CNTLN: variants seen among roughly 807,000 people sequenced by gnomAD.
The protein encoded by CNTLN is centlein.
A neutral mutation model predicts 180.0 loss-of-function variants in CNTLN; 212 were observed. The ratio of observed to expected loss-of-function variants is 1.18; its 90% CI spans 1.05 to 1.32. The LOEUF is 1.32. Ranked by LOEUF, CNTLN falls within the 40% of genes most tolerant of loss-of-function variation. The pLI is 0.00. For missense variants in CNTLN, 2,095 were observed against 1,610.9 expected (o/e 1.30, Z -5.14); for synonymous variants, 722 against 563.1 (o/e 1.28, Z -3.99).
intron 5 of CNTLN, among the ~76,000 whole-genome samples, chr9:17,263,583 G>T (rs1375848360): frequency 2.0e-5 from 3 of 150,678 alleles, no homozygotes; most frequent in Admixed American, 1.3e-4. Context: ...GGGTCAAATG[G>T]TATTTCTAGT....
intron 12 of CNTLN, among the ~76,000 whole-genome samples, chr9:17,351,427 A>G (rs1019012330): frequency 3.9e-5 from 6 of 152,214 alleles, no homozygotes; most frequent in African/African-American, 9.6e-5. Context: ...TCTCACTGAG[A>G]TTCAACATGT....
At chr9:17,460,961 GC>G (rs1177922680) in intron 19 of CNTLN, among the ~76,000 whole-genome samples, 4 of 151,206 alleles carry the variant, frequency 2.6e-5, no homozygotes, top group Non-Finnish European at 5.9e-5. Context: ...TGACACAGAA[GC>G]AAAAAATTAC....
intron 3 of CNTLN, among the ~76,000 whole-genome samples, chr9:17,228,162 T>C (rs1202149922): frequency 6.6e-6 from 1 of 152,114 alleles, no homozygotes; most frequent in African/African-American, 2.4e-5. Flanking sequence ...CTTTAGTGAA[T>C]GCTCTTTGGT....
intron 2 of CNTLN, among the ~76,000 whole-genome samples, chr9:17,144,155 G>A (rs1818288712): frequency 6.6e-6 from 1 of 152,092 alleles, no homozygotes; most frequent in Non-Finnish European, 1.5e-5. Flanking sequence ...GTAGTCTCTA[G>A]TCCTGGGATC....
intron 7 of CNTLN, among the ~76,000 whole-genome samples, chr9:17,307,719 T>A (rs1425835330): frequency 2.0e-5 from 3 of 152,056 alleles, no homozygotes; most frequent in Non-Finnish European, 4.4e-5. Context: ...TTTTTAAATT[T>A]TAAATTTAAA....
chr9:17,526,185 T>A, the CNTLN span, among the ~76,000 whole-genome samples: 197 of 152,264 alleles, frequency 1.3e-3, 4 homozygotes, highest in Non-Finnish European at 1.2e-4. Flanking sequence ...TCCACCCACC[T>A]CGGCCTCCCA....
At chr9:17,509,855 A>G in the CNTLN span, among the ~76,000 whole-genome samples, 1 of 152,182 alleles carries the variant, frequency 6.6e-6, no homozygotes, top group Non-Finnish European at 1.5e-5. Flanking sequence ...TGCTTCCACC[A>G]GGAGACACAA....
intron 2 of CNTLN, among the ~76,000 whole-genome samples, chr9:17,161,267 T>A (rs534122971): frequency 3.4e-4 from 52 of 152,150 alleles, no homozygotes; most frequent in Non-Finnish European, 1.6e-4. Context: ...TAAGTTTACC[T>A]GTCACTTTAT....
chr9:17,400,608 T>C (rs192652137), intron 15 of CNTLN, among the ~76,000 whole-genome samples: 56 of 152,308 alleles, frequency 3.7e-4, no homozygotes, highest in Non-Finnish European at 7.4e-5. Flanking sequence ...AATGATAGGA[T>C]CATATTCATA....
Position 17,198,610 on chromosome 9 carries a change from T to A in CNTLN, c.450-27593T>A, listed in dbSNP as rs192968786. Among the ~76,000 whole-genome samples the A allele has an allele frequency of 1.5e-3, 233 of 151,808 alleles. 1 individual carries two copies. The highest frequency in any genetic ancestry group is 5.4e-3 in the African/African-American group (225 of 41,396). On this transcript the variant is annotated intron_variant, in intron 2 of 25. Coordinates refer to ENST00000380647, the MANE Select transcript of CNTLN (RefSeq NM_017738.4). ...CGGAATTTTGTATGTTAATTTTTTTTTTTAAGTTCTGGGATACACGTGCAG... is the reference window on the plus strand; with the variant it reads ...CGGAATTTTGTATGTTAATTTTTTTATTTAAGTTCTGGGATACACGTGCAG...
At chr9:17,158,920 T>G (rs1819485319) in intron 2 of CNTLN, among the ~76,000 whole-genome samples, 1 of 152,024 alleles carries the variant, frequency 6.6e-6, no homozygotes, top group Admixed American at 6.6e-5. Context: ...TAGGTTTAGT[T>G]TGCTTTTATT....
At chr9:17,526,448 A>G in the CNTLN span, among the ~76,000 whole-genome samples, 286 of 152,370 alleles carry the variant, frequency 1.9e-3, 2 homozygotes, top group African/African-American at 6.6e-3. Context: ...TAAGTTGAAT[A>G]TGCTAACGTA....
chr9:17,478,870 A>G (rs529223514), intron 23 of CNTLN, among the ~76,000 whole-genome samples: 2 of 152,280 alleles, frequency 1.3e-5, no homozygotes, highest in African/African-American at 2.4e-5. Context: ...TAATTATTGT[A>G]GGCTTGTTGT....
At chr9:17,370,891 A>G (rs940911692) in intron 13 of CNTLN, among the ~76,000 whole-genome samples, 7 of 152,178 alleles carry the variant, frequency 4.6e-5, no homozygotes, top group African/African-American at 1.7e-4. Context: ...TAAGATAGTT[A>G]TATCCCATAT....
chr9:17,383,335 C>T (rs909750935), intron 13 of CNTLN, among the ~76,000 whole-genome samples: 1 of 151,512 alleles, frequency 6.6e-6, no homozygotes, highest in Admixed American at 6.6e-5. Flanking sequence ...TTGAGACCAG[C>T]CTGGGCAACC....
At chr9:17,419,382 G>T (rs915270141) in intron 18 of CNTLN, among the ~76,000 whole-genome samples, 8 of 152,076 alleles carry the variant, frequency 5.3e-5, no homozygotes, top group Admixed American at 3.9e-4. Context: ...TAAATCTTTT[G>T]CATTTGTTCA....
At chr9:17,496,579 G>C (rs901903675) in intron 25 of CNTLN, among the ~76,000 whole-genome samples, 1 of 152,256 alleles carries the variant, frequency 6.6e-6, no homozygotes, top group Non-Finnish European at 1.5e-5. Context: ...GGGAACACAA[G>C]CATTTAGTTA....
intron 2 of CNTLN, among the ~76,000 whole-genome samples, chr9:17,191,587 T>C (rs1175894260): frequency 1.3e-5 from 2 of 152,218 alleles, no homozygotes; most frequent in Non-Finnish European, 2.9e-5. Context: ...GAGAATCTTT[T>C]TGATACAGTT....
chr9:17,331,858 G>C lies in CNTLN; in HGVS notation c.1519-747G>C, dbSNP rs968124963. 2.0e-5 allele frequency among the ~76,000 whole-genome samples: 3 copies of C among 151,970 alleles called. No individual in the cohort carries two copies. In the South Asian group the frequency reaches 6.2e-4, roughly 32 times the overall value. On this transcript the variant is annotated intron_variant, in intron 9 of 25. Coordinates refer to ENST00000380647, the MANE Select transcript of CNTLN (RefSeq NM_017738.4). ...AATACAGCATTACCGGGCCTAATTT[G>C]GTTGCTTGCTCGATTGCTGAAATTT...
Sources: allele counts gnomAD v4.1 joint callset (sites outside exome capture counted in the v4.1 genomes callset), GRCh38; gene constraint gnomAD v4.1.1; transcripts MANE v1.5; gene names NCBI Gene and HGNC (gene_info 2026-07-23, HGNC 2026-07-21).